SORCS1: variants seen among roughly 807,000 people sequenced by gnomAD.
SORCS1 encodes the protein VPS10 domain-containing receptor SorCS1.
Under a neutral mutation model 146.1 loss-of-function variants are expected in SORCS1, and 60 were observed. That is an observed-to-expected ratio of 0.41 (90% CI 0.33 to 0.51). The LOEUF is 0.51. Ranked by LOEUF, SORCS1 falls within the 20% of genes least tolerant of loss-of-function variation. The pLI is 0.21. For synonymous variants in SORCS1, 637 were observed against 584.0 expected, an observed-to-expected ratio of 1.09 and a Z score of -1.31; for missense variants, 1,352 against 1,487.6, an observed-to-expected ratio of 0.91 and a Z score of 1.50.
intron 1 of SORCS1, among the ~76,000 whole-genome samples, chr10:107,138,228 C>A (rs764782429): frequency 6.6e-6 from 1 of 152,308 alleles, no homozygotes; most frequent in South Asian, 2.1e-4. Flanking sequence ...TCATGACTAA[C>A]CATTCTTATT....
intron 5 of SORCS1, 101 bp from the exon 6 acceptor site, chr10:106,730,215 C>T: frequency 1.0e-6 from 1 of 995,360 alleles, no homozygotes; most frequent in Admixed American, 1.9e-5. Context: ...TATCCACAGG[C>T]ATCTAAACCC....
chr10:107,115,680 T>C (rs34178256), intron 1 of SORCS1, among the ~76,000 whole-genome samples: 13,032 of 152,128 alleles, frequency 0.086, 632 homozygotes, highest in African/African-American at 0.14. Flanking sequence ...TCCCTGACAT[T>C]GGCTTTGGCA....
chr10:106,693,110 A>G (rs1853423134), intron 9 of SORCS1, among the ~76,000 whole-genome samples: 1 of 152,160 alleles, frequency 6.6e-6, no homozygotes, highest in Admixed American at 6.5e-5. Flanking sequence ...GTTCCAATAT[A>G]TCTCATTATA....
At chr10:107,047,040 G>C (rs1488044353) in intron 1 of SORCS1, among the ~76,000 whole-genome samples, 2 of 152,048 alleles carry the variant, frequency 1.3e-5, no homozygotes, top group Non-Finnish European at 2.9e-5. Flanking sequence ...CCATGCCAGA[G>C]TGCAGTGGCA....
intron 2 of SORCS1, among the ~76,000 whole-genome samples, chr10:106,901,070 T>A (rs17121741): frequency 6.6e-6 from 1 of 152,128 alleles, no homozygotes; most frequent in Non-Finnish European, 1.5e-5. Context: ...AAGGCAGCCC[T>A]CTGGAGAAGG....
At chr10:106,637,493 C>T (rs1021146244) in intron 18 of SORCS1, among the ~76,000 whole-genome samples, 11 of 152,182 alleles carry the variant, frequency 7.2e-5, no homozygotes, top group Admixed American at 6.6e-4. Context: ...CTAAAGCACA[C>T]GTCTTTCTCC....
At chr10:106,741,325 G>A (rs1428088414) in intron 5 of SORCS1, among the ~76,000 whole-genome samples, 2 of 152,342 alleles carry the variant, frequency 1.3e-5, no homozygotes, top group Admixed American at 6.5e-5. Flanking sequence ...GAAGCCAGAC[G>A]TGATGACTCA....
intron 2 of SORCS1, among the ~76,000 whole-genome samples, chr10:106,894,915 AAC>A: frequency 6.6e-6 from 1 of 152,336 alleles, no homozygotes; most frequent in East Asian, 1.9e-4. Flanking sequence ...AATGAGAGTA[AAC>A]ACATTATTTG....
At chr10:106,851,108 C>G (rs531400574) in intron 2 of SORCS1, among the ~76,000 whole-genome samples, 2 of 152,184 alleles carry the variant, frequency 1.3e-5, no homozygotes, top group Non-Finnish European at 2.9e-5. Flanking sequence ...ATATGACAGG[C>G]CTTCATCAGA....
At chr10:106,962,718 G>A (rs932729607) in intron 1 of SORCS1, among the ~76,000 whole-genome samples, 7 of 152,250 alleles carry the variant, frequency 4.6e-5, no homozygotes, top group African/African-American at 9.6e-5. Flanking sequence ...CTGGTGCTTC[G>A]TGTAACACAT....
chr10:106,928,417 C>T (rs1306521896), intron 2 of SORCS1, among the ~76,000 whole-genome samples: 1 of 152,214 alleles, frequency 6.6e-6, no homozygotes, highest in Non-Finnish European at 1.5e-5. Context: ...CGCGCCCACC[C>T]GGAACTCCAG....
At chr10:106,893,243 A>C (rs1184615673) in intron 2 of SORCS1, among the ~76,000 whole-genome samples, 1 of 152,068 alleles carries the variant, frequency 6.6e-6, no homozygotes, top group African/African-American at 2.4e-5. Context: ...ATCATCACCC[A>C]AGCATAGGGC....
rs544788535 is a variant in SORCS1, at chr10:106,887,831, C to T, written c.627-58158G>A. Among the ~76,000 whole-genome samples the T allele has an allele frequency of 1.2e-4, 18 of 152,248 alleles. No individual in the cohort carries two copies. In the South Asian group the frequency reaches 3.7e-3, roughly 32 times the overall value. ...CATTACAAATACATTGTTTTCTAAC[C>T]TGTGGGCAACTTATTGATATACACA... On this transcript the variant is annotated intron_variant, in intron 2 of 25. Transcript: ENST00000263054.
chr10:106,989,115 A>G (rs1328013839), intron 1 of SORCS1, among the ~76,000 whole-genome samples: 1 of 151,072 alleles, frequency 6.6e-6, no homozygotes, highest in East Asian at 1.9e-4. Context: ...AAAAAAAAAA[A>G]AAAAATTAGC....
At chr10:107,142,584 T>A (rs1003620867) in intron 1 of SORCS1, among the ~76,000 whole-genome samples, 4 of 152,220 alleles carry the variant, frequency 2.6e-5, no homozygotes, top group African/African-American at 9.6e-5. Flanking sequence ...ATATATTTTA[T>A]TTGTGCACTG....
At chr10:106,640,383 TTAAG>T (rs1355605115) in intron 18 of SORCS1, among the ~76,000 whole-genome samples, 1 of 152,246 alleles carries the variant, frequency 6.6e-6, no homozygotes, top group Non-Finnish European at 1.5e-5. Flanking sequence ...ATTTTCCTTA[TTAAG>T]TTTCAGTCTT....
rs1025096229 is a variant in SORCS1, at chr10:106,575,423, C to T, written c.*1997G>A. 21 of 152,198 alleles carry T rather than the reference C, an allele frequency of 1.4e-4. No homozygotes were observed. Among genetic ancestry groups the T allele is most frequent in the Admixed American group, 1.4e-3 (21 of 15,268 alleles). The allele number at this position is 152,198 out of a possible 1,614,324, so 9.4% of individuals were successfully genotyped here. On this transcript the variant is annotated 3_prime_UTR_variant, in exon 26 of 26. Transcript: ENST00000263054. The stretch of plus-strand genomic sequence containing the variant: ...CAGGGCCTGTGTTATACCCTGTTGG[C>T]TTAGGGACATAGCAAAGAAGGAGGC...
intron 1 of SORCS1, among the ~76,000 whole-genome samples, chr10:106,988,941 T>C (rs554566005): frequency 6.6e-6 from 1 of 152,000 alleles, no homozygotes; most frequent in South Asian, 2.1e-4. Context: ...GGGGCTTTTT[T>C]CCTCTAATGT....
Position 106,579,446 on chromosome 10 carries a change from G to A in SORCS1, c.3294C>T (p.His1098=), listed in dbSNP as rs374972215. The change falls in exon 25 of 26, where the codon CAC becomes CAT. Residue 1098 remains histidine (H), a synonymous_variant. Coordinates refer to ENST00000263054, the MANE Select transcript of SORCS1 (RefSeq NM_052918.5). ...GCAGCATCAGCATGGCAGATCCACT[G>A]TGGGTTGGAGTGAGGTCCACCAGGG... ...AAPLVDLTPT[H]SGSAMLMLLS... The A allele has an allele frequency of 2.5e-6, 4 of 1,613,760 alleles. No individual in the cohort carries two copies. Among genetic ancestry groups the A allele is most frequent in the African/African-American group, 2.7e-5 (2 of 74,866 alleles).
Sources: allele counts gnomAD v4.1 joint callset (sites outside exome capture counted in the v4.1 genomes callset), GRCh38; gene constraint gnomAD v4.1.1; transcripts MANE v1.5; gene names NCBI Gene and HGNC (gene_info 2026-07-23, HGNC 2026-07-21).